Variants in SLIT3 observed in about 807,000 individuals in gnomAD.
The protein encoded by SLIT3 is slit guidance ligand 3.
Under a neutral mutation model 184.0 loss-of-function variants are expected in SLIT3, and 68 were observed. The ratio of observed to expected loss-of-function variants is 0.37; its 90% confidence interval spans 0.30 to 0.45. The LOEUF (loss-of-function observed/expected upper bound fraction) is 0.45, where lower values mean the gene tolerates loss of function less well. Ranked by LOEUF, SLIT3 falls within the 20% of genes least tolerant of loss-of-function variation. The pLI, the probability that SLIT3 is intolerant of heterozygous loss-of-function variation, is 1.00. For synonymous variants in SLIT3, 831 were observed against 828.6 expected, an observed-to-expected ratio of 1.00 and a Z score of -0.05; for missense variants, 1,707 against 2,026.0, an observed-to-expected ratio of 0.84 and a Z score of 3.02.
chr5:168,691,316 A>G, intron 29 of SLIT3, among the ~76,000 whole-genome samples: 1 of 152,230 alleles, frequency 6.6e-6, no homozygotes, highest in East Asian at 1.9e-4. Context: ...CAGAGATTCT[A>G]TGATTCTAAA....
chr5:169,221,843 CCAGA>C (rs1163715336), intron 3 of SLIT3, among the ~76,000 whole-genome samples: 2 of 152,186 alleles, frequency 1.3e-5, no homozygotes, highest in Admixed American at 6.6e-5. Context: ...TCTGCCTCAT[CCAGA>C]CAGTCAAGGT....
chr5:168,826,400 T>A (rs551894407), intron 6 of SLIT3, among the ~76,000 whole-genome samples: 1 of 152,326 alleles, frequency 6.6e-6, no homozygotes, highest in African/African-American at 2.4e-5. Flanking sequence ...TGATTTCCAG[T>A]CTTGGCAGCT....
chr5:168,723,930 A>C (rs954471382), intron 21 of SLIT3, among the ~76,000 whole-genome samples: 13 of 152,138 alleles, frequency 8.5e-5, no homozygotes, highest in Middle Eastern at 3.2e-3. Context: ...GTGATTCTTA[A>C]CTGGGGGCAC....
intron 4 of SLIT3, among the ~76,000 whole-genome samples, chr5:169,137,484 T>C (rs1761563446): frequency 6.6e-6 from 1 of 151,978 alleles, no homozygotes; most frequent in Non-Finnish European, 1.5e-5. Flanking sequence ...TCTCCTCTCA[T>C]TAGCCCACCC....
intron 9 of SLIT3, among the ~76,000 whole-genome samples, chr5:168,805,925 T>C (rs1756939127): frequency 6.6e-6 from 1 of 152,252 alleles, no homozygotes; most frequent in Non-Finnish European, 1.5e-5. Context: ...GGTGTCATAC[T>C]ATAATTGTCA....
Position 168,671,266 on chromosome 5 carries a change from G to C in SLIT3, c.4059C>G (p.Cys1353Trp), listed in dbSNP as rs376639943. ...GGCCGGTCCAGCCTGGGCGGCACTC[G>C]CACACCACGCTGTCCTTCTCCACGG... ...CRSVEKDSVVCECRPGWTGPL... is the reference protein window; with the variant it reads ...CRSVEKDSVVWECRPGWTGPL... Residue 1353 changes from cysteine (C) to tryptophan (W), a missense_variant, in exon 34 of 36, where the codon TGC becomes TGG. Cys to Trp is a radical substitution (Grantham distance 215, BLOSUM62 -2). Coordinates refer to ENST00000519560, the MANE Select transcript of SLIT3 (RefSeq NM_003062.4). 6.2e-7 allele frequency: 1 copy of C among 1,613,438 alleles called. No individual in the cohort carries two copies. Among genetic ancestry groups the C allele is most frequent in the African/African-American group, 1.3e-5 (1 of 74,928 alleles).
At chr5:168,690,933 C>A (rs1761888917) in intron 29 of SLIT3, among the ~76,000 whole-genome samples, 1 of 152,210 alleles carries the variant, frequency 6.6e-6, no homozygotes, top group African/African-American at 2.4e-5. Flanking sequence ...CTTCTTCCCC[C>A]AGTGGAGCCG....
chr5:169,247,354 A>T (rs1249486675), intron 2 of SLIT3, among the ~76,000 whole-genome samples: 2 of 152,116 alleles, frequency 1.3e-5, no homozygotes, highest in Non-Finnish European at 2.9e-5. Context: ...TACTGACTGG[A>T]GGTTTGCTGA....
At chr5:169,198,306 G>C (rs1345748032) in intron 3 of SLIT3, among the ~76,000 whole-genome samples, 3 of 152,190 alleles carry the variant, frequency 2.0e-5, no homozygotes, top group African/African-American at 4.8e-5. Context: ...TTAAAAGAAG[G>C]CTTCCCAAGG....
At chr5:168,725,873 T>G (rs1763093206) in intron 20 of SLIT3, among the ~76,000 whole-genome samples, 1 of 152,238 alleles carries the variant, frequency 6.6e-6, no homozygotes, top group African/African-American at 2.4e-5. Flanking sequence ...TGTCAATGAC[T>G]GAACCAGCCT....
Position 169,109,202 on chromosome 5 carries a change from CT to C in SLIT3, c.413+84276del, listed in dbSNP as rs1419989449. 4.6e-5 allele frequency among the ~76,000 whole-genome samples: 7 copies of C among 152,282 alleles called. No homozygotes were observed. The East Asian group carries it at 1.4e-3, about 29-fold the overall frequency. ...TGTGATTAGATTAGGTTGCATGAGACTCTGTCTCAGAGGACTGGAGAGATTC... is the reference window on the plus strand; with the variant it reads ...TGTGATTAGATTAGGTTGCATGAGACCTGTCTCAGAGGACTGGAGAGATTC... On this transcript the variant is annotated intron_variant, in intron 4 of 35. Coordinates refer to ENST00000519560, the MANE Select transcript of SLIT3 (RefSeq NM_003062.4).
At chr5:168,811,299 T>C (rs1757149793) in intron 8 of SLIT3, among the ~76,000 whole-genome samples, 1 of 152,230 alleles carries the variant, frequency 6.6e-6, no homozygotes, top group Admixed American at 6.5e-5. Context: ...ATATATTATC[T>C]CACTTGATCC....
intron 21 of SLIT3, among the ~76,000 whole-genome samples, 186 bp from the exon 22 acceptor site, chr5:168,723,190 C>T (rs529775889): frequency 6.6e-6 from 1 of 152,060 alleles, no homozygotes; most frequent in African/African-American, 2.4e-5. Flanking sequence ...TACTCTCCTG[C>T]TCACCCATCC....
chr5:168,856,806 T>TGTGCGCGC (rs374432432), intron 5 of SLIT3, among the ~76,000 whole-genome samples: 110 of 137,824 alleles, frequency 8.0e-4, no homozygotes, highest in African/African-American at 2.5e-3. Flanking sequence ...TGTGTGTGTG[T>TGTGCGCGC]GCGCGCGCGC....
At chr5:169,276,079 C>A in intron 1 of SLIT3, among the ~76,000 whole-genome samples, 1 of 152,076 alleles carries the variant, frequency 6.6e-6, no homozygotes, top group East Asian at 1.9e-4. Flanking sequence ...AAATGGTGAG[C>A]TAAGCCTAAA....
intron 3 of SLIT3, among the ~76,000 whole-genome samples, chr5:169,243,464 A>T (rs947900362): frequency 6.6e-6 from 1 of 152,234 alleles, no homozygotes; most frequent in Non-Finnish European, 1.5e-5. Flanking sequence ...CAAGAAATAA[A>T]TGTCATATTT....
At position 169,234,223 on chromosome 5, in the gene SLIT3, T is replaced by A. The variant is rs182514631; in HGVS notation, c.341+10482A>T. 2.6e-4 allele frequency among the ~76,000 whole-genome samples: 39 copies of A among 152,286 alleles called. 1 individual carries two copies. Among genetic ancestry groups the A allele is most frequent in the Admixed American group, 2.4e-3 (37 of 15,300 alleles). On this transcript the variant is annotated intron_variant, in intron 3 of 35. Transcript: ENST00000519560. ...GCTCTACATCCTCCTTAGAGTGCTGTCAATTTAGCCAACATAGGGAAAGAG... is the reference window on the plus strand; with the variant it reads ...GCTCTACATCCTCCTTAGAGTGCTGACAATTTAGCCAACATAGGGAAAGAG...
At chr5:169,216,799 G>A (rs914349756) in intron 3 of SLIT3, among the ~76,000 whole-genome samples, 6 of 152,132 alleles carry the variant, frequency 3.9e-5, no homozygotes, top group African/African-American at 1.2e-4. Flanking sequence ...CCGGATGTGG[G>A]TCTTTATATG....
chr5:169,194,219 G>C, intron 3 of SLIT3, among the ~76,000 whole-genome samples: 1 of 101,886 alleles, frequency 9.8e-6, no homozygotes, highest in Admixed American at 1.6e-4. Flanking sequence ...TGGCGACAGA[G>C]CAAGACTCTG....
Sources: allele counts gnomAD v4.1 joint callset (sites outside exome capture counted in the v4.1 genomes callset), GRCh38; gene constraint gnomAD v4.1.1; transcripts MANE v1.5; gene names NCBI Gene and HGNC (gene_info 2026-07-23, HGNC 2026-07-21).